Variants in HECTD2 observed in about 807,000 individuals in gnomAD.
HECTD2 encodes the protein probable E3 ubiquitin-protein ligase HECTD2.
Under a neutral mutation model 103.2 loss-of-function variants are expected in HECTD2, and 35 were observed. The ratio of observed to expected loss-of-function variants is 0.34; its 90% CI spans 0.26 to 0.45. The LOEUF is 0.45. Ranked by LOEUF, HECTD2 falls within the 20% of genes least tolerant of loss-of-function variation. HECTD2 has a pLI of 1.00. For missense variants in HECTD2, 596 were observed against 937.4 expected (o/e 0.64, Z 4.76); for synonymous variants, 281 against 329.9 (o/e 0.85, Z 1.61).
chr10:91,468,521 A>G (rs1002176555), intron 5 of HECTD2, among the ~76,000 whole-genome samples: 36 of 152,328 alleles, frequency 2.4e-4, no homozygotes, highest in African/African-American at 8.7e-4. Context: ...TCTCACCTCC[A>G]AATGACCACA....
intron 2 of HECTD2, among the ~76,000 whole-genome samples, chr10:91,428,351 G>T (rs1015852520): frequency 6.0e-5 from 9 of 150,812 alleles, no homozygotes; most frequent in Non-Finnish European, 1.2e-4. Context: ...GATTGACTTG[G>T]CGATGCGGGC....
chr10:91,456,896 CAA>C (rs1303026413), intron 2 of HECTD2, among the ~76,000 whole-genome samples: 1 of 151,920 alleles, frequency 6.6e-6, no homozygotes, highest in East Asian at 1.9e-4. Context: ...ATCAATGAAA[CAA>C]AGAGATGGCT....
intron 5 of HECTD2, among the ~76,000 whole-genome samples, chr10:91,467,725 C>T (rs904570227): frequency 3.6e-4 from 55 of 151,908 alleles, no homozygotes; most frequent in Non-Finnish European, 5.9e-5. Context: ...CCAAGGTTTG[C>T]GAGTGAGTGG....
At chr10:91,451,129 C>T (rs891288214) in intron 2 of HECTD2, among the ~76,000 whole-genome samples, 4 of 152,098 alleles carry the variant, frequency 2.6e-5, no homozygotes, top group Non-Finnish European at 4.4e-5. Flanking sequence ...CCCAAATGCC[C>T]GTCAATGATA....
At chr10:91,471,508 T>C (rs1312324457) in intron 5 of HECTD2, among the ~76,000 whole-genome samples, 1 of 152,086 alleles carries the variant, frequency 6.6e-6, no homozygotes, top group Non-Finnish European at 1.5e-5. Context: ...GGCACCAAAA[T>C]AGGACGAGAG....
intron 19 of HECTD2, 75 bp from the exon 20 acceptor site, chr10:91,501,116 G>T: frequency 7.7e-7 from 1 of 1,299,974 alleles, no homozygotes; most frequent in Non-Finnish European, 1.1e-6. Context: ...CCTTTCCTTA[G>T]AGCTTCCTTT....
At chr10:91,410,610 G>A (rs1466946989) in intron 1 of HECTD2, 34 bp downstream of exon 1, 3 of 1,040,252 alleles carry the variant, frequency 2.9e-6, no homozygotes, top group Non-Finnish European at 3.5e-6. Flanking sequence ...TGGCGCCCCG[G>A]ACGGCGGGAG....
intron 20 of HECTD2, 39 bp downstream of exon 20, chr10:91,501,373 T>TTACTGCTAA (rs760441209): frequency 7.8e-7 from 1 of 1,289,882 alleles, no homozygotes; most frequent in South Asian, 1.3e-5. Context: ...AATCTAAAGG[T>TTACTGCTAA]TACTGCTAAT....
chr10:91,459,879 G>A (rs920738963), intron 2 of HECTD2, among the ~76,000 whole-genome samples: 7 of 152,108 alleles, frequency 4.6e-5, no homozygotes, highest in East Asian at 1.9e-4. Context: ...ATACAGATAT[G>A]TAGCCTGGGA....
intron 1 of HECTD2, among the ~76,000 whole-genome samples, chr10:91,414,056 G>T (rs1324547083): frequency 1.3e-5 from 2 of 152,170 alleles, no homozygotes; most frequent in Non-Finnish European, 2.9e-5. Context: ...TGAGAAAGAA[G>T]AAAATGCTTA....
chr10:91,498,069 A>G (rs1466362819), intron 15 of HECTD2, 39 bp from the exon 16 acceptor site: 2 of 1,348,032 alleles, frequency 1.5e-6, no homozygotes, highest in Non-Finnish European at 2.1e-6. Flanking sequence ...AGCTAATGCT[A>G]TTCTATTGAA....
chr10:91,512,144 C>A, intron 20 of HECTD2, 120 bp from the exon 21 acceptor site: 1 of 1,042,494 alleles, frequency 9.6e-7, no homozygotes, highest in Non-Finnish European at 1.4e-6. Context: ...ATGGATGAGT[C>A]ATCTCTTAAC....
intron 5 of HECTD2, chr10:91,462,642 T>C (rs1845396636): frequency 2.0e-6 from 2 of 1,011,190 alleles, no homozygotes; most frequent in South Asian, 4.6e-5. Context: ...TCATTTATGA[T>C]GTGACACATA....
At chr10:91,459,524 G>A (rs917539674) in intron 2 of HECTD2, among the ~76,000 whole-genome samples, 19 of 152,026 alleles carry the variant, frequency 1.2e-4, no homozygotes, top group African/African-American at 4.6e-4. Flanking sequence ...GCAACAACTT[G>A]GATGAATCTC....
chr10:91,443,821 G>C (rs1197934326), intron 2 of HECTD2, among the ~76,000 whole-genome samples: 2 of 152,210 alleles, frequency 1.3e-5, no homozygotes, highest in Admixed American at 6.5e-5. Context: ...ACACAGAAGA[G>C]TTTATTAAAT....
chr10:91,418,191 A>G (rs1271526171), intron 1 of HECTD2, among the ~76,000 whole-genome samples: 1 of 152,254 alleles, frequency 6.6e-6, no homozygotes, highest in African/African-American at 2.4e-5. Flanking sequence ...TTTGTTAAAA[A>G]AAAAGAACAA....
At chr10:91,423,265 A>T (rs2133021959) in intron 1 of HECTD2, among the ~76,000 whole-genome samples, 1 of 152,274 alleles carries the variant, frequency 6.6e-6, no homozygotes, top group South Asian at 2.1e-4. Flanking sequence ...CTTCCCATTT[A>T]TCAGCTCTGT....
At position 91,485,183 on chromosome 10, in the gene HECTD2, C is replaced by A; in HGVS notation, c.974C>A (p.Thr325Asn). ...SAAKVLALLN[T>N]ANNLVHPPLI... is the part of the protein sequence containing the mutation. ...ATGTTAGAATTTATCTTTACAGATA[C>A]TGCAAACAATTTAGTTCACCCTCCC... The change falls in exon 10 of 21, where the codon ACT becomes AAT. Residue 325 changes from threonine to asparagine, a missense_variant. Physicochemically the swap from Thr to Asn is moderately conservative, Grantham distance 65 (BLOSUM62 0). Around this residue, in one of 4 missense-constraint regions of HECTD2, gnomAD observed 303 missense variants for 522.5 expected, o/e 0.58. Transcript: ENST00000298068. 2 of 1,537,712 alleles carry A rather than the reference C, an allele frequency of 1.3e-6. No homozygotes were observed. The highest frequency in any genetic ancestry group is 1.8e-6 in the Non-Finnish European group (2 of 1,130,218).
At chr10:91,497,360 A>G (rs1589544314) in intron 15 of HECTD2, among the ~76,000 whole-genome samples, 1 of 137,326 alleles carries the variant, frequency 7.3e-6, no homozygotes, top group African/African-American at 2.8e-5. Context: ...GAACAATCTC[A>G]GCTCACTGCA....
Sources: allele counts gnomAD v4.1 joint callset (sites outside exome capture counted in the v4.1 genomes callset), GRCh38; gene constraint gnomAD v4.1.1; regional missense constraint gnomAD v4.1.1; transcripts MANE v1.5; gene names NCBI Gene and HGNC (gene_info 2026-07-23, HGNC 2026-07-21).